Variants in RASGRP3 observed in about 807,000 individuals in gnomAD.
The protein encoded by RASGRP3 is RAS guanyl releasing protein 3, also known as ras guanyl-releasing protein 3.
A neutral mutation model predicts 82.7 loss-of-function variants in RASGRP3; 54 were observed. The ratio of observed to expected loss-of-function variants is 0.65; its 90% confidence interval spans 0.52 to 0.82. The LOEUF (loss-of-function observed/expected upper bound fraction) is 0.82. Ranked by LOEUF, RASGRP3 falls within the 40% of genes least tolerant of loss-of-function variation. RASGRP3 has a pLI of 0.00. For synonymous variants in RASGRP3, 309 were observed against 300.5 expected, an observed-to-expected ratio of 1.03 and a Z score of -0.29; for missense variants, 861 against 828.9, an observed-to-expected ratio of 1.04 and a Z score of -0.48.
chr2:33,468,561 C>T (rs574402458), intron 2 of RASGRP3, among the ~76,000 whole-genome samples: 2 of 152,184 alleles, frequency 1.3e-5, no homozygotes, highest in South Asian at 2.1e-4. Context: ...ACCACCATGC[C>T]GGGATAATTT....
chr2:33,506,388 A>G (rs1361568901), intron 1 of RASGRP3, among the ~76,000 whole-genome samples: 1 of 152,240 alleles, frequency 6.6e-6, no homozygotes, highest in Non-Finnish European at 1.5e-5. Flanking sequence ...TGGACAAGTA[A>G]TTTAACTTCT....
In RASGRP3 at chr2:33,563,468, T is replaced by C. The variant is rs1376224784; in HGVS notation, c.*731T>C. The C allele has an allele frequency of 6.7e-6, 1 of 149,498 alleles. No homozygotes were observed. The highest frequency in any genetic ancestry group is 1.9e-4 in the East Asian group (1 of 5,200). 9.3% of individuals were successfully genotyped at this position (149,498 alleles called of 1,614,324 possible). On this transcript the variant is annotated 3_prime_UTR_variant, in exon 18 of 18. Coordinates refer to ENST00000403687, the MANE Select transcript of RASGRP3 (RefSeq NM_001139488.2). ...TATAGCATGGTCGTGAAAGCTCTCC[T>C]AATACTTACTTAAATAGCCATGGAA...
intron 2 of RASGRP3, among the ~76,000 whole-genome samples, chr2:33,454,400 A>C (rs1230287560): frequency 6.6e-6 from 1 of 152,212 alleles, no homozygotes; most frequent in Non-Finnish European, 1.5e-5. Flanking sequence ...TATAGAGCAT[A>C]AGACTGGAAA....
chr2:33,546,197 G>A (rs992531991), intron 13 of RASGRP3, among the ~76,000 whole-genome samples: 3 of 151,740 alleles, frequency 2.0e-5, no homozygotes, highest in African/African-American at 7.2e-5. Flanking sequence ...GCTGAGGTGG[G>A]TGGATCACGA....
intron 1 of RASGRP3, among the ~76,000 whole-genome samples, chr2:33,503,711 A>G (rs902255618): frequency 6.6e-6 from 1 of 152,204 alleles, no homozygotes; most frequent in South Asian, 2.1e-4. Flanking sequence ...AAAGAGTACT[A>G]TAAACACATG....
intron 10 of RASGRP3, chr2:33,532,717 C>T (rs1441314026): frequency 3.3e-5 from 5 of 151,998 alleles, no homozygotes; most frequent in Admixed American, 6.6e-5. Flanking sequence ...ACAGTTAAGT[C>T]GGTTTTATTT....
chr2:33,551,820 C>T (rs182108994), intron 14 of RASGRP3, among the ~76,000 whole-genome samples: 3 of 152,174 alleles, frequency 2.0e-5, no homozygotes, highest in African/African-American at 4.8e-5. Context: ...GGTGAAACCC[C>T]GTCTCTACTA....
At chr2:33,452,517 C>T (rs547534776) in intron 2 of RASGRP3, among the ~76,000 whole-genome samples, 2 of 152,212 alleles carry the variant, frequency 1.3e-5, no homozygotes, top group African/African-American at 4.8e-5. Context: ...GGGTGGGCCT[C>T]GATTCTGGGT....
chr2:33,545,445 ACTT>A (rs1674641245), intron 13 of RASGRP3, among the ~76,000 whole-genome samples: 1 of 152,246 alleles, frequency 6.6e-6, no homozygotes, highest in Non-Finnish European at 1.5e-5. Flanking sequence ...TTACTGTGTG[ACTT>A]CCCAAAGCTT....
intron 3 of RASGRP3, 22 bp downstream of exon 3, chr2:33,515,228 A>G (rs753700031): frequency 2.5e-6 from 4 of 1,611,834 alleles, no homozygotes; most frequent in African/African-American, 1.3e-5. Flanking sequence ...TTCTCCTTTC[A>G]TCTCTTTTGG....
intron 2 of RASGRP3, among the ~76,000 whole-genome samples, chr2:33,468,085 ATGAT>A (rs1382634398): frequency 1.5e-5 from 2 of 136,832 alleles, no homozygotes; most frequent in African/African-American, 5.4e-5. Flanking sequence ...CTTTGTGTAG[ATGAT>A]TGAAGTACTT....
chr2:33,451,426 C>T (rs1434615022), intron 2 of RASGRP3, among the ~76,000 whole-genome samples: 1 of 152,124 alleles, frequency 6.6e-6, no homozygotes, highest in African/African-American at 2.4e-5. Context: ...AATCTCAACT[C>T]TCTGTGTTTA....
intron 15 of RASGRP3, among the ~76,000 whole-genome samples, chr2:33,557,226 G>C (rs1676082262): frequency 6.6e-6 from 1 of 152,156 alleles, no homozygotes; most frequent in African/African-American, 2.4e-5. Flanking sequence ...ACCCCAAGTA[G>C]TAATTAACAT....
intron 2 of RASGRP3, among the ~76,000 whole-genome samples, chr2:33,468,070 T>C (rs1010812357): frequency 4.0e-5 from 6 of 151,588 alleles, no homozygotes. Context: ...GATTTGTTTT[T>C]TTCTCTTTGT....
At chr2:33,516,957 A>G (rs1286194299) in intron 4 of RASGRP3, among the ~76,000 whole-genome samples, 2 of 152,370 alleles carry the variant, frequency 1.3e-5, no homozygotes, top group Middle Eastern at 3.4e-3. Context: ...ATATTTAACA[A>G]TGATTCAAGA....
chr2:33,468,022 TTCTTTCTTTCTTTCTTTCTTTCTC>T (rs1666820271), intron 2 of RASGRP3, among the ~76,000 whole-genome samples: 1 of 134,704 alleles, frequency 7.4e-6, no homozygotes, highest in South Asian at 2.1e-4. Context: ...CTTTCTTTCT[TTCTTTCTTTCTTTCTTTCTTTCTC>T]TCTTAGTGTA....
At chr2:33,443,155 T>A (rs933942317) in intron 1 of RASGRP3, among the ~76,000 whole-genome samples, 3 of 152,228 alleles carry the variant, frequency 2.0e-5, no homozygotes, top group African/African-American at 7.2e-5. Flanking sequence ...TTCTATTACA[T>A]TTATAAATAG....
At position 33,524,178 on chromosome 2, in the gene RASGRP3, T is replaced by G. The variant is rs923714322; in HGVS notation, c.690+126T>G. The G allele has an allele frequency of 5.2e-6, 6 of 1,148,896 alleles. No individual in the cohort carries two copies. In the African/African-American group the frequency reaches 7.8e-5, roughly 15 times the overall value. The allele number at this position is 1,148,896 out of a possible 1,614,324, so 71.2% of individuals were successfully genotyped here. A position where few individuals can be genotyped will look rare whatever the true frequency, so the allele number is the denominator to read the frequency against. The stretch of plus-strand genomic sequence containing the variant: ...CGGACAACTAAACTACTCGCTGATA[T>G]CTAATGAACAAATCGTATTTTTGTC... On this transcript the variant is annotated intron_variant, in intron 8 of 17. Coordinates refer to ENST00000403687, the MANE Select transcript of RASGRP3 (RefSeq NM_001139488.2).
rs1352221731 is a variant in RASGRP3, at chr2:33,527,286, G to C, written c.957G>C (p.Trp319Cys). The C allele has an allele frequency of 6.2e-7, 1 of 1,613,958 alleles. No individual in the cohort carries two copies. The highest frequency in any genetic ancestry group is 1.1e-5 in the South Asian group (1 of 91,080). ...LIAVHVIFPD[W>C]TEENKVNIVK... ...CTGTCCATGTCATTTTCCCAGACTG[G>C]ACAGAGGAGAACAAAGTGAACATTG... The change falls in exon 10 of 18, where the codon TGG (tryptophan) becomes TGC (cysteine). Residue 319 changes from tryptophan (W) to cysteine (C), a missense_variant. By Grantham distance (215) the Trp-to-Cys change is radical (BLOSUM62 -2). Transcript: ENST00000403687.
Sources: allele counts gnomAD v4.1 joint callset (sites outside exome capture counted in the v4.1 genomes callset), GRCh38; gene constraint gnomAD v4.1.1; transcripts MANE v1.5; gene names NCBI Gene and HGNC (gene_info 2026-07-23, HGNC 2026-07-21).